SEC14L5: variants seen among roughly 807,000 people sequenced by gnomAD.
The protein encoded by SEC14L5 is SEC14-like protein 5.
A neutral mutation model predicts 84.6 loss-of-function variants in SEC14L5; 96 were observed. The observed-to-expected ratio is 1.13, with a 90% CI of 0.96 to 1.34. The LOEUF (loss-of-function observed/expected upper bound fraction) is 1.34, where lower values mean the gene tolerates loss of function less well. Ranked by LOEUF, SEC14L5 falls within the 40% of genes most tolerant of loss-of-function variation. SEC14L5 has a pLI of 0.00. For synonymous variants in SEC14L5, 546 were observed against 383.4 expected (o/e 1.42, Z -4.95); for missense variants, 1,224 against 942.5 (o/e 1.30, Z -3.91).
chr16:5,005,863 CAA>C (rs55930593), intron 11 of SEC14L5, 49 bp from the exon 12 acceptor site: 54,765 of 1,216,112 alleles, frequency 0.045, no homozygotes, highest in Middle Eastern at 0.13. Context: ...GACTCCGTCT[CAA>C]AAAAAAAAAA....
chr16:4,973,682 T>C (rs1415221644), intron 2 of SEC14L5, among the ~76,000 whole-genome samples: 20 of 51,440 alleles, frequency 3.9e-4, no homozygotes, highest in South Asian at 3.4e-3. Context: ...CTCTGTCTCT[T>C]TTTTTTTTTT....
intron 2 of SEC14L5, among the ~76,000 whole-genome samples, chr16:4,975,592 C>T (rs1418140268): frequency 6.6e-6 from 1 of 151,416 alleles, no homozygotes; most frequent in Non-Finnish European, 1.5e-5. Context: ...TTTGGGTTGG[C>T]TCCATATTTT....
intron 14 of SEC14L5, among the ~76,000 whole-genome samples, chr16:5,010,375 A>C (rs1327828592): frequency 2.0e-5 from 3 of 151,862 alleles, no homozygotes; most frequent in Non-Finnish European, 4.4e-5. Context: ...GAAAAAAAAA[A>C]CAAAACTGTA....
At chr16:4,960,419 C>T (rs1955108772) in intron 2 of SEC14L5, 1 of 152,184 alleles carries the variant, frequency 6.6e-6, no homozygotes, top group African/African-American at 2.4e-5. Context: ...CTGCTTAACC[C>T]CAGCCTTCTA....
At chr16:4,989,928 G>A (rs546714875) in intron 4 of SEC14L5, among the ~76,000 whole-genome samples, 4 of 152,226 alleles carry the variant, frequency 2.6e-5, no homozygotes, top group East Asian at 1.9e-4. Flanking sequence ...GCCCACAGAC[G>A]TTTGAGGAGG....
In SEC14L5 at chr16:4,988,144, T is replaced by G; in HGVS notation, c.214-5T>G. ...ACCTCCGCCTCCCCGCCCCTTCCCTTGCAGATCGCAGGTGTTGAGCACGTG... is the reference window on the plus strand; with the variant it reads ...ACCTCCGCCTCCCCGCCCCTTCCCTGGCAGATCGCAGGTGTTGAGCACGTG... On this transcript the variant is annotated splice_region_variant and splice_polypyrimidine_tract_variant and intron_variant, in intron 3 of 15. Coordinates refer to ENST00000251170, the MANE Select transcript of SEC14L5 (RefSeq NM_014692.2). 6.2e-7 allele frequency: 1 copy of G among 1,613,480 alleles called. No individual in the cohort carries two copies.
At position 5,017,300 on chromosome 16, in the gene SEC14L5, TG is replaced by T. The variant is rs1237374867; in HGVS notation, c.*2332del. The T allele has an allele frequency of 6.6e-6, 1 of 152,280 alleles. No individual in the cohort carries two copies. The highest frequency in any genetic ancestry group is 1.5e-5 in the Non-Finnish European group (1 of 68,096). 9.4% of individuals were successfully genotyped at this position (152,280 alleles called of 1,614,324 possible). On this transcript the variant is annotated 3_prime_UTR_variant, in exon 16 of 16. Coordinates refer to ENST00000251170, the MANE Select transcript of SEC14L5 (RefSeq NM_014692.2). ...CTCCCTAGGGAAAACCAGCCCAAAC[TG>T]GCTTAAGCAACAAAGCAAATTCCCT... is the stretch of plus-strand genomic sequence containing the variant.
intron 2 of SEC14L5, among the ~76,000 whole-genome samples, chr16:4,975,247 C>T (rs1420341954): frequency 1.3e-5 from 2 of 151,746 alleles, no homozygotes; most frequent in African/African-American, 4.8e-5. Flanking sequence ...CGGAGGTGGG[C>T]GGATCACAAG....
intron 8 of SEC14L5, among the ~76,000 whole-genome samples, chr16:4,997,754 A>G (rs1057029653): frequency 1.1e-4 from 16 of 152,068 alleles, no homozygotes; most frequent in Admixed American, 9.8e-4. Flanking sequence ...CTCCCTCTGA[A>G]AGTTCTAGGG....
At chr16:5,012,688 TG>T (rs1482972283) in intron 15 of SEC14L5, among the ~76,000 whole-genome samples, 1 of 152,210 alleles carries the variant, frequency 6.6e-6, no homozygotes, top group African/African-American at 2.4e-5. Flanking sequence ...GTGGATCATC[TG>T]TGGTCAAGAG....
At chr16:5,008,066 C>A (rs1239593957) in intron 13 of SEC14L5, among the ~76,000 whole-genome samples, 1 of 151,886 alleles carries the variant, frequency 6.6e-6, no homozygotes, top group Admixed American at 6.6e-5. Flanking sequence ...AGCCAGCATG[C>A]CTGGCTATTT....
intron 2 of SEC14L5, among the ~76,000 whole-genome samples, chr16:4,969,276 C>T (rs1955244961): frequency 6.6e-6 from 1 of 152,200 alleles, no homozygotes; most frequent in South Asian, 2.1e-4. Context: ...TGTGTGCATT[C>T]CACAAATATT....
At chr16:4,988,915 T>A (rs565793772) in intron 4 of SEC14L5, among the ~76,000 whole-genome samples, 3 of 152,218 alleles carry the variant, frequency 2.0e-5, no homozygotes, top group African/African-American at 7.2e-5. Context: ...ACGGAATCAG[T>A]GTGTGTGCAT....
Position 4,968,650 on chromosome 16 carries a change from C to T in SEC14L5, c.63+9264C>T, listed in dbSNP as rs374474674. Among the ~76,000 whole-genome samples the T allele has an allele frequency of 9.2e-5, 14 of 152,266 alleles. No homozygotes were observed. In the East Asian group the frequency reaches 2.5e-3, roughly 27 times the overall value. Reference sequence around the variant, plus strand: ...TGACTTTCCATAAACATTTGTGCACCAGCAGCAGTACTGTGGCTTTAGGAA... The same window carrying T: ...TGACTTTCCATAAACATTTGTGCACTAGCAGCAGTACTGTGGCTTTAGGAA... On this transcript the variant is annotated intron_variant, in intron 2 of 15. Transcript: ENST00000251170.
chr16:5,009,380 G>C (rs1293500133), intron 14 of SEC14L5, among the ~76,000 whole-genome samples: 1 of 152,134 alleles, frequency 6.6e-6, no homozygotes, highest in African/African-American at 2.4e-5. Context: ...TGGGAATGTA[G>C]TGATATGATC....
chr16:4,972,360 G>T (rs1403459429), intron 2 of SEC14L5, among the ~76,000 whole-genome samples: 3 of 152,074 alleles, frequency 2.0e-5, no homozygotes, highest in African/African-American at 7.2e-5. Context: ...TCCCATTTAA[G>T]CATCTTAAGT....
At chr16:5,001,329 G>C (rs1201235017) in intron 10 of SEC14L5, among the ~76,000 whole-genome samples, 1 of 148,478 alleles carries the variant, frequency 6.7e-6, no homozygotes, top group Non-Finnish European at 1.5e-5. Flanking sequence ...TGCAATCTCA[G>C]TTCACTGCAA....
Position 5,016,403 on chromosome 16 carries a change from A to G in SEC14L5, c.*1433A>G, listed in dbSNP as rs1186319098. 1 of 152,194 alleles carries G rather than the reference A, an allele frequency of 6.6e-6. No homozygotes were observed. The highest frequency in any genetic ancestry group is 1.5e-5 in the Non-Finnish European group (1 of 68,040). 9.4% of individuals were successfully genotyped at this position (152,194 alleles called of 1,614,324 possible). On this transcript the variant is annotated 3_prime_UTR_variant, in exon 16 of 16. Transcript: ENST00000251170. ...TAAAAATTGAGGCATTTCGCATCGAAATCAGGATTTCTGGCTTCCCTTAGG... is the reference window on the plus strand; with the variant it reads ...TAAAAATTGAGGCATTTCGCATCGAGATCAGGATTTCTGGCTTCCCTTAGG...
Position 5,004,126 on chromosome 16 carries a change from CA to C in SEC14L5, c.1302+559del, listed in dbSNP as rs551302602. On this transcript the variant is annotated intron_variant, in intron 11 of 15. Transcript: ENST00000251170. ...GAAGAAACAGTCCAGGGTGGCTGAG[CA>C]AAAAAGAGCAAAAGGGACGACAGCA... 5.3e-5 allele frequency among the ~76,000 whole-genome samples: 8 copies of C among 151,474 alleles called. No homozygotes were observed. In the East Asian group the frequency reaches 1.5e-3, roughly 29 times the overall value.
Sources: gnomAD v4.1 joint callset for allele counts (sites outside exome capture counted in the v4.1 genomes callset) on GRCh38, gnomAD v4.1.1 for gene constraint, MANE v1.5 for transcripts, NCBI Gene and HGNC (gene_info 2026-07-23, HGNC 2026-07-21) for gene names.